Variants in S100A12 observed in about 807,000 individuals in gnomAD.
The protein encoded by S100A12 is S100 calcium binding protein A12.
S100A12 carries 3 observed loss-of-function variants against 4.0 expected under a neutral mutation model. The ratio of observed to expected loss-of-function variants is 0.75; its 90% confidence interval spans 0.34 to 1.94. The LOEUF (loss-of-function observed/expected upper bound fraction) is 1.94, where lower values mean the gene tolerates loss of function less well. Ranked by LOEUF, S100A12 falls within the 30% of genes most tolerant of loss-of-function variation. The pLI, the probability that S100A12 is intolerant of heterozygous loss-of-function variation, is 0.07. For missense variants in S100A12, 122 were observed against 107.0 expected (o/e 1.14, Z -0.62); for synonymous variants, 50 against 41.4 (o/e 1.21, Z -0.79).
rs1209583256 is a variant in S100A12 at position 153,373,993 on chromosome 1, T to A, written c.139-26A>T. On this transcript the variant is annotated intron_variant, in intron 2 of 2. Transcript: ENST00000368737. ...CTAGGAAAAAAGGACAACAGAGACC[T>A]TGAGTTCAGAACCTCCACACAAGAC... The A allele has an allele frequency of 5.0e-6, 8 of 1,612,048 alleles. No homozygotes were observed. The African/African-American group carries it at 8.0e-5, about 16-fold the overall frequency.
chr1:153,374,624 C>G lies in S100A12; in HGVS notation c.-20-12G>C, dbSNP rs1000369413. 1.9e-6 allele frequency: 3 copies of G among 1,601,742 alleles called. No homozygotes were observed. The highest frequency in any genetic ancestry group is 3.4e-5 in the Admixed American group (2 of 59,084). On this transcript the variant is annotated splice_polypyrimidine_tract_variant and intron_variant, in intron 1 of 2. Transcript: ENST00000368737. ...AGCCTAATGTTAACCTTCAAGGAAA[C>G]AAGGGAAGTCTAGAGGCAGTTTCTC...
At position 153,373,879 on chromosome 1, in the gene S100A12, G is replaced by T; in HGVS notation, c.227C>A (p.Ser76Tyr). The T allele has an allele frequency of 6.2e-7, 1 of 1,613,174 alleles. No homozygotes were observed. The highest frequency in any genetic ancestry group is 8.5e-7 in the Non-Finnish European group (1 of 1,179,064). The change falls in exon 3 of 3, where the codon TCC (serine) becomes TAC (tyrosine). Residue 76 changes from serine to tyrosine, a missense_variant. Coordinates refer to ENST00000368737, the MANE Select transcript of S100A12 (RefSeq NM_005621.2). Reference sequence around the variant, plus strand: ...AGCCTTCAGCGCAATGGCTACCAGGGATATGAATTCTTGAAAGTCGACCTG... The same window carrying T: ...AGCCTTCAGCGCAATGGCTACCAGGTATATGAATTCTTGAAAGTCGACCTG... ...DEQVDFQEFI[S>Y]LVAIALKAAH...
In S100A12 at chr1:153,373,908, A is replaced by T; in HGVS notation, c.198T>A (p.Asp66Glu). The T allele has an allele frequency of 2.5e-6, 4 of 1,613,026 alleles. No homozygotes were observed. Among genetic ancestry groups the T allele is most frequent in the Non-Finnish European group, 3.4e-6 (4 of 1,178,974 alleles). ...EIFQGLDANQ[D>E]EQVDFQEFIS... ...TGAATTCTTGAAAGTCGACCTGTTC[A>T]TCTTGATTAGCATCCAGGCCTTGGA... The change falls in exon 3 of 3, where the codon GAT (aspartate) becomes GAA (glutamate). Residue 66 changes from aspartate (D) to glutamate (E), a missense_variant. Transcript: ENST00000368737.
Position 153,374,456 on chromosome 1 carries a change from T to C in S100A12, c.137A>G (p.Lys46Arg), listed in dbSNP as rs750967679. 6.2e-7 allele frequency: 1 copy of C among 1,612,736 alleles called. No homozygotes were observed. The highest frequency in any genetic ancestry group is 2.2e-5 in the East Asian group (1 of 44,868). The part of the protein sequence containing the change: ...LLTKELANTI[K>R]NIKDKAVIDE... ...TGCAGTGAGAGGGGCATCACCTACCTTGATGGTGTTTGCAAGCTCCTTTGT... is the reference window on the plus strand; with the variant it reads ...TGCAGTGAGAGGGGCATCACCTACCCTGATGGTGTTTGCAAGCTCCTTTGT... Residue 46 changes from lysine (K) to arginine (R), a missense_variant and splice_region_variant, in exon 2 of 3, where the codon AAG (lysine) becomes AGG (arginine). Coordinates refer to ENST00000368737, the MANE Select transcript of S100A12 (RefSeq NM_005621.2).
chr1:153,374,047 C>T lies in S100A12; in HGVS notation c.139-80G>A, dbSNP rs745483885. 5.0e-6 allele frequency: 7 copies of T among 1,395,978 alleles called. No individual in the cohort carries two copies. In the Admixed American group the frequency reaches 1.0e-4, roughly 20 times the overall value. The allele number at this position is 1,395,978 out of a possible 1,614,324, so 86.5% of individuals were successfully genotyped here. A position where few individuals can be genotyped will look rare whatever the true frequency, so the allele number is the denominator to read the frequency against. On this transcript the variant is annotated intron_variant, in intron 2 of 2. Coordinates refer to ENST00000368737, the MANE Select transcript of S100A12 (RefSeq NM_005621.2). ...TTCTTAGGCCTCTTATCCCTCAGAG[C>T]TCGGGTTGTGAAGGCCCAGGCACAT...
chr1:153,374,176 C>G, intron 2 of S100A12: 1 of 691,870 alleles, frequency 1.4e-6, no homozygotes, highest in South Asian at 1.6e-5. Flanking sequence ...CTGGAAGGTA[C>G]TCTTCTGCTC....
At chr1:153,375,039 T>TTTTGTTTG (rs371895972) in intron 1 of S100A12, among the ~76,000 whole-genome samples, 5 of 151,856 alleles carry the variant, frequency 3.3e-5, no homozygotes, top group African/African-American at 1.2e-4. Flanking sequence ...GTTTTGGGTT[T>TTTTGTTTG]TTTGTTTGTT....
At position 153,373,830 on chromosome 1, in the gene S100A12, C is replaced by T. The variant is rs1226429508; in HGVS notation, c.276G>A (p.Glu92=). ...TAAAAAGCCTTCAGAGAGCTACCTACTCTTTGTGGGTGTGGTAATGGGCAG... is the reference window on the plus strand; with the variant it reads ...TAAAAAGCCTTCAGAGAGCTACCTATTCTTTGTGGGTGTGGTAATGGGCAG... The part of the protein sequence containing the change: ...LKAAHYHTHK[E] Residue 92 remains glutamate, a synonymous_variant, in exon 3 of 3, where the codon GAG becomes GAA. Transcript: ENST00000368737. 3.7e-6 allele frequency: 6 copies of T among 1,613,652 alleles called. No individual in the cohort carries two copies. The African/African-American group carries it at 6.7e-5, about 18-fold the overall frequency.
intron 1 of S100A12, among the ~76,000 whole-genome samples, chr1:153,375,143 T>A (rs979165496): frequency 1.3e-5 from 2 of 152,124 alleles, no homozygotes; most frequent in African/African-American, 4.8e-5. Flanking sequence ...GCCTCCCGGG[T>A]TCACGCCATT....
chr1:153,375,384 A>G (rs899355536), intron 1 of S100A12, among the ~76,000 whole-genome samples, 168 bp downstream of exon 1: 1 of 152,214 alleles, frequency 6.6e-6, no homozygotes, highest in African/African-American at 2.4e-5. Flanking sequence ...CTGAGTCTAC[A>G]TAGCACAACA....
At position 153,373,797 on chromosome 1, in the gene S100A12, T is replaced by C. The variant is rs1023865182; in HGVS notation, c.*30A>G. The C allele has an allele frequency of 1.2e-6, 2 of 1,603,600 alleles. No individual in the cohort carries two copies. Among genetic ancestry groups the C allele is most frequent in the African/African-American group, 1.3e-5 (1 of 74,780 alleles). ...AAAGAAAAGACCCTCATTGAGGACA[T>C]TGCTGGGTAAAAAGCCTTCAGAGAG... On this transcript the variant is annotated 3_prime_UTR_variant, in exon 3 of 3. Coordinates refer to ENST00000368737, the MANE Select transcript of S100A12 (RefSeq NM_005621.2).
Position 153,373,922 on chromosome 1 carries a change from C to G in S100A12, c.184G>C (p.Asp62His), listed in dbSNP as rs750471235. The change falls in exon 3 of 3, where the codon GAT becomes CAT. Residue 62 changes from aspartate to histidine, a missense_variant. Transcript: ENST00000368737. Reference protein sequence around the residue: ...AVIDEIFQGLDANQDEQVDFQ... With the variant: ...AVIDEIFQGLHANQDEQVDFQ... ...TCGACCTGTTCATCTTGATTAGCATCCAGGCCTTGGAATATTTCATCAATG... is the reference window on the plus strand; with the variant it reads ...TCGACCTGTTCATCTTGATTAGCATGCAGGCCTTGGAATATTTCATCAATG... 24 of 1,612,988 alleles carry G rather than the reference C, an allele frequency of 1.5e-5. No homozygotes were observed. Among genetic ancestry groups the G allele is most frequent in the Non-Finnish European group, 1.9e-5 (22 of 1,179,080 alleles).
rs1661718515 is a variant in S100A12, at chr1:153,375,614, CAAGG to C, written c.-87_-84del. On this transcript the variant is annotated 5_prime_UTR_variant, in exon 1 of 3. Transcript: ENST00000368737. ...CCAGCAGTGGTGAAGGGCACTGAGC[CAAGG>C]AAGGTTTTATAATCAGTTCAGGCTT... 6.6e-6 allele frequency: 1 copy of C among 152,254 alleles called. No individual in the cohort carries two copies. Among genetic ancestry groups the C allele is most frequent in the African/African-American group, 2.4e-5 (1 of 41,434 alleles). 9.4% of individuals were successfully genotyped at this position (152,254 alleles called of 1,614,324 possible).
chr1:153,374,516 T>C lies in S100A12; in HGVS notation c.77A>G (p.Asp26Gly). The C allele has an allele frequency of 6.2e-7, 1 of 1,613,588 alleles. No individual in the cohort carries two copies. The highest frequency in any genetic ancestry group is 8.5e-7 in the Non-Finnish European group (1 of 1,179,534). ...HQYSVRKGHFDTLSKGELKQL... is the reference protein window; with the variant it reads ...HQYSVRKGHFGTLSKGELKQL... ...CTTCAGCTCACCCTTAGAGAGGGTG[T>C]CAAAATGCCCCTTCCGAACTGAGTA... The change falls in exon 2 of 3, where the codon GAC (aspartate) becomes GGC (glycine). Residue 26 changes from aspartate to glycine, a missense_variant. By Grantham distance (94) the Asp-to-Gly change is moderately conservative (BLOSUM62 -1). Transcript: ENST00000368737.
chr1:153,374,565 C>T lies in S100A12; in HGVS notation c.28G>A (p.Gly10Arg). The change falls in exon 2 of 3, where the codon GGA becomes AGA. Residue 10 changes from glycine (G) to arginine (R), a missense_variant. Coordinates refer to ENST00000368737, the MANE Select transcript of S100A12 (RefSeq NM_005621.2). The stretch of plus-strand genomic sequence containing the variant: ...TATTGGTGGAAGATATTGACAATTC[C>T]CTCCAGATGCTCTTCAAGTTTTGTC... The part of the protein sequence containing the change: MTKLEEHLE[G>R]IVNIFHQYSV... The T allele has an allele frequency of 1.2e-6, 2 of 1,613,954 alleles. No homozygotes were observed. Among genetic ancestry groups the T allele is most frequent in the South Asian group, 1.1e-5 (1 of 91,080 alleles).
Position 153,373,783 on chromosome 1 carries a change from C to A in S100A12, c.*44G>T, listed in dbSNP as rs1296393732. ...GGTTTTGGTGAGGGAAAGAAAAGACCCTCATTGAGGACATTGCTGGGTAAA... is the reference window on the plus strand; with the variant it reads ...GGTTTTGGTGAGGGAAAGAAAAGACACTCATTGAGGACATTGCTGGGTAAA... On this transcript the variant is annotated 3_prime_UTR_variant, in exon 3 of 3. Coordinates refer to ENST00000368737, the MANE Select transcript of S100A12 (RefSeq NM_005621.2). 1 of 1,564,460 alleles carries A rather than the reference C, an allele frequency of 6.4e-7. No homozygotes were observed. The highest frequency in any genetic ancestry group is 1.4e-5 in the African/African-American group (1 of 73,718).
intron 2 of S100A12, 124 bp downstream of exon 2, chr1:153,374,331 C>A (rs1319824517): frequency 4.5e-6 from 4 of 896,842 alleles, no homozygotes; most frequent in East Asian, 2.5e-5. Flanking sequence ...GGAGAGCATC[C>A]TTTGGGAGCT....
chr1:153,374,978 C>T (rs865789635), intron 1 of S100A12, among the ~76,000 whole-genome samples: 2 of 152,338 alleles, frequency 1.3e-5, no homozygotes, highest in South Asian at 4.1e-4. Flanking sequence ...ATATCCCCCA[C>T]AAATGGTCCA....
At position 153,373,959 on chromosome 1, in the gene S100A12, T is replaced by C. The variant is rs1202734213; in HGVS notation, c.147A>G (p.Lys49=). 4 of 1,613,622 alleles carry C rather than the reference T, an allele frequency of 2.5e-6. No homozygotes were observed. The highest frequency in any genetic ancestry group is 3.4e-6 in the Non-Finnish European group (4 of 1,179,626). ...ATATTTCATCAATGACAGCTTTATC[T>C]TTGATATTCTAGGAAAAAAGGACAA... ...KELANTIKNI[K]DKAVIDEIFQ... Residue 49 remains lysine (K), a synonymous_variant, in exon 3 of 3, where the codon AAA becomes AAG. Coordinates refer to ENST00000368737, the MANE Select transcript of S100A12 (RefSeq NM_005621.2).
Sources: allele counts gnomAD v4.1 joint callset (sites outside exome capture counted in the v4.1 genomes callset), GRCh38; gene constraint gnomAD v4.1.1; transcripts MANE v1.5; gene names NCBI Gene and HGNC (gene_info 2026-07-23, HGNC 2026-07-21).